The following NDST4 variants were observed in gnomAD, a reference collection of about 807,000 sequenced individuals.
NDST4 encodes N-deacetylase and N-sulfotransferase 4, also known as N-heparan sulfate sulfotransferase 4.
A neutral mutation model predicts 100.8 loss-of-function variants in NDST4; 63 were observed. The observed-to-expected ratio is 0.62, with a 90% CI of 0.51 to 0.77. NDST4 has a LOEUF of 0.77. Ranked by LOEUF, NDST4 falls within the 30% of genes least tolerant of loss-of-function variation. The pLI, the probability that NDST4 is intolerant of heterozygous loss-of-function variation, is 0.00. For synonymous variants in NDST4, 377 were observed against 361.8 expected (o/e 1.04, Z -0.48); for missense variants, 943 against 1,018.4 (o/e 0.93, Z 1.01).
intron 2 of NDST4, among the ~76,000 whole-genome samples, chr4:115,010,148 A>G (rs1578450461): frequency 5.5e-5 from 7 of 127,710 alleles, no homozygotes; most frequent in Admixed American, 1.6e-4. Flanking sequence ...GGGATCTAGA[A>G]CTAGAAATAT....
chr4:115,064,451 T>A (rs1728889848), intron 2 of NDST4, among the ~76,000 whole-genome samples: 1 of 152,172 alleles, frequency 6.6e-6, no homozygotes, highest in African/African-American at 2.4e-5. Context: ...AGTTGGTACA[T>A]CTCACAGTGA....
intron 4 of NDST4, among the ~76,000 whole-genome samples, chr4:114,969,024 G>A (rs1057132175): frequency 1.3e-5 from 2 of 152,196 alleles, no homozygotes; most frequent in African/African-American, 4.8e-5. Context: ...CTGGTCTAGA[G>A]TCATGGCTCC....
intron 2 of NDST4, among the ~76,000 whole-genome samples, chr4:114,996,517 A>G (rs933127477): frequency 2.0e-5 from 3 of 152,110 alleles, no homozygotes; most frequent in Non-Finnish European, 4.4e-5. Flanking sequence ...CTTTTTCAAG[A>G]TAAGAACACC....
At chr4:114,885,899 C>T (rs1376813318) in intron 6 of NDST4, among the ~76,000 whole-genome samples, 1 of 152,010 alleles carries the variant, frequency 6.6e-6, no homozygotes, top group African/African-American at 2.4e-5. Flanking sequence ...GAACCACAAA[C>T]TCAGTTGCAT....
At chr4:115,099,886 G>C (rs578027691) in intron 1 of NDST4, among the ~76,000 whole-genome samples, 4 of 152,070 alleles carry the variant, frequency 2.6e-5, no homozygotes, top group Non-Finnish European at 5.9e-5. Flanking sequence ...TTTATTTATA[G>C]ATGCCAAGGC....
intron 6 of NDST4, among the ~76,000 whole-genome samples, chr4:114,920,208 G>A (rs561513068): frequency 6.6e-6 from 1 of 152,232 alleles, no homozygotes; most frequent in East Asian, 1.9e-4. Flanking sequence ...CAAATTTGGG[G>A]CAGTGTGATA....
intron 2 of NDST4, among the ~76,000 whole-genome samples, chr4:115,062,874 A>C (rs1728853838): frequency 6.6e-6 from 1 of 151,908 alleles, no homozygotes; most frequent in Admixed American, 6.6e-5. Context: ...ATACGAGTAA[A>C]AGTAAGAGAA....
At chr4:115,023,485 CA>C (rs61136345) in intron 2 of NDST4, among the ~76,000 whole-genome samples, 42,896 of 89,532 alleles carry the variant, frequency 0.48, 7,223 homozygotes, top group African/African-American at 0.59. Flanking sequence ...AATTCCATCT[CA>C]AAAAAAAAAA....
chr4:115,056,871 C>T (rs192695004), intron 2 of NDST4, among the ~76,000 whole-genome samples: 13 of 147,824 alleles, frequency 8.8e-5, no homozygotes, highest in East Asian at 2.0e-4. Context: ...TGGATGATTA[C>T]GGTCAGAGAT....
intron 4 of NDST4, among the ~76,000 whole-genome samples, chr4:114,947,517 A>G (rs1196212116): frequency 6.6e-6 from 1 of 152,164 alleles, no homozygotes; most frequent in Non-Finnish European, 1.5e-5. Context: ...GAAAAGTTAC[A>G]GGTATTAAGT....
chr4:115,101,541 C>T lies in NDST4; in HGVS notation c.-247+11903G>A, dbSNP rs138118422. Among the ~76,000 whole-genome samples, 751 of 151,916 alleles carry T rather than the reference C, an allele frequency of 4.9e-3. 12 individuals carry two copies. The highest frequency in any genetic ancestry group is 0.017 in the African/African-American group (707 of 41,444). ...GTGGAAGAGGGTAGTAGAAGCTGTA[C>T]GTAAATAATATAAAAATAAATATTT... On this transcript the variant is annotated intron_variant, in intron 1 of 13. Transcript: ENST00000264363.
intron 2 of NDST4, among the ~76,000 whole-genome samples, chr4:115,033,157 A>ATATATTTTTTTTT (rs1491126767): frequency 1.7e-5 from 1 of 59,948 alleles, no homozygotes; most frequent in African/African-American, 5.8e-5. Context: ...ATATATATAT[A>ATATATTTTTTTTT]TTTTTTTTTT....
At chr4:114,872,256 C>T (rs1724164480) in intron 6 of NDST4, among the ~76,000 whole-genome samples, 1 of 151,892 alleles carries the variant, frequency 6.6e-6, no homozygotes, top group African/African-American at 2.4e-5. Flanking sequence ...GAAGCATTAT[C>T]TTGTACCAGA....
chr4:114,907,173 C>G (rs1724966602), intron 6 of NDST4, among the ~76,000 whole-genome samples: 1 of 152,068 alleles, frequency 6.6e-6, no homozygotes, highest in Non-Finnish European at 1.5e-5. Context: ...GATATATGTC[C>G]TCACTGTTTT....
chr4:115,010,898 A>G (rs1164262163), intron 2 of NDST4, among the ~76,000 whole-genome samples: 1 of 152,054 alleles, frequency 6.6e-6, no homozygotes, highest in Non-Finnish European at 1.5e-5. Context: ...ATTGCTTAAA[A>G]ATTTTGCTAC....
chr4:114,850,578 C>T (rs372968532), intron 8 of NDST4, among the ~76,000 whole-genome samples: 34 of 152,212 alleles, frequency 2.2e-4, no homozygotes, highest in African/African-American at 7.0e-4. Context: ...TTTATATCAA[C>T]TTCTTTAATA....
chr4:115,033,409 C>T (rs764268484), intron 2 of NDST4, among the ~76,000 whole-genome samples: 4 of 151,574 alleles, frequency 2.6e-5, no homozygotes, highest in South Asian at 2.1e-4. Flanking sequence ...AGCCACCCTG[C>T]GTAGTCCTGC....
chr4:115,045,831 T>A (rs471867), intron 2 of NDST4, among the ~76,000 whole-genome samples: 40,075 of 151,912 alleles, frequency 0.26, 7,675 homozygotes, highest in African/African-American at 0.52. Context: ...GTGGAAGAAA[T>A]ATGGGAGAAT....
At chr4:114,938,817 C>T (rs1012242205) in intron 4 of NDST4, among the ~76,000 whole-genome samples, 5 of 152,174 alleles carry the variant, frequency 3.3e-5, no homozygotes, top group Admixed American at 3.3e-4. Flanking sequence ...CCAAAGTCAC[C>T]TCTCTTTCTC....
Sources: allele counts gnomAD v4.1 joint callset (sites outside exome capture counted in the v4.1 genomes callset), GRCh38; gene constraint gnomAD v4.1.1; transcripts MANE v1.5; gene names NCBI Gene and HGNC (gene_info 2026-07-23, HGNC 2026-07-21).